SOWAHC: variants seen among roughly 807,000 people sequenced by gnomAD.
SOWAHC encodes sosondowah ankyrin repeat domain family member C, also known as ankyrin repeat domain-containing protein SOWAHC.
A neutral mutation model predicts 14.4 loss-of-function variants in SOWAHC; 12 were observed. That is an observed-to-expected ratio of 0.83 (90% CI 0.53 to 1.35). The LOEUF is 1.35. Among genes scored for constraint, SOWAHC ranks in the 40% most tolerant of loss-of-function variants. The pLI, the probability that SOWAHC is intolerant of heterozygous loss-of-function variation, is 0.00. For synonymous variants in SOWAHC, 398 were observed against 347.0 expected (o/e 1.15, Z -1.63); for missense variants, 771 against 752.8 (o/e 1.02, Z -0.28).
In SOWAHC at chr2:109,615,189, G is replaced by C; in HGVS notation, c.700G>C (p.Gly234Arg). The C allele has an allele frequency of 6.5e-7, 1 of 1,548,774 alleles. No individual in the cohort carries two copies. Reference sequence around the variant, plus strand: ...CAGCCCGGGCAGCTCCTCCGGGGGAGGACGCGGCAGAGGCGGGGGCGACTC... The same window carrying C: ...CAGCCCGGGCAGCTCCTCCGGGGGACGACGCGGCAGAGGCGGGGGCGACTC... The part of the protein sequence containing the change: ...GSSPGSSSGG[G>R]RGRGGGDSDS... The change falls in exon 1 of 1, where the codon GGA becomes CGA. Residue 234 changes from glycine (G) to arginine (R), a missense_variant. Transcript: ENST00000356454.
In SOWAHC at chr2:109,615,483, G is replaced by A; in HGVS notation, c.994G>A (p.Val332Met). 2 of 1,613,620 alleles carry A rather than the reference G, an allele frequency of 1.2e-6. No homozygotes were observed. Among genetic ancestry groups the A allele is most frequent in the South Asian group, 1.1e-5 (1 of 91,090 alleles). ...VNFANKHQLP[V>M]NIDARTSGGY... ...CTTCGCCAACAAACACCAGCTGCCG[G>A]TGAACATCGACGCCAGGACGAGCGG... The change falls in exon 1 of 1, where the codon GTG becomes ATG. Residue 332 changes from valine to methionine, a missense_variant. By Grantham distance (21) the Val-to-Met change is conservative (BLOSUM62 1). Coordinates refer to ENST00000356454, the MANE Select transcript of SOWAHC (RefSeq NM_023016.4).
In SOWAHC at chr2:109,615,396, T is replaced by C. The variant is rs1333279557; in HGVS notation, c.907T>C (p.Phe303Leu). Reference sequence around the variant, plus strand: ...GGTCAAGCGGGACTTCATTACCGGCTTCACTTGCCTGCACTGGGCCGCCAA... The same window carrying C: ...GGTCAAGCGGGACTTCATTACCGGCCTCACTTGCCTGCACTGGGCCGCCAA... ...LLVKRDFITG[F>L]TCLHWAAKHG... Residue 303 changes from phenylalanine to leucine, a missense_variant, in exon 1 of 1, where the codon TTC (phenylalanine) becomes CTC (leucine). By Grantham distance (22) the Phe-to-Leu change is conservative. Transcript: ENST00000356454. 1.2e-6 allele frequency: 2 copies of C among 1,613,040 alleles called. No homozygotes were observed. Among genetic ancestry groups the C allele is most frequent in the Admixed American group, 3.3e-5 (2 of 60,034 alleles).
chr2:109,615,716 C>A lies in SOWAHC; in HGVS notation c.1227C>A (p.Gly409=). The change falls in exon 1 of 1, where the codon GGC becomes GGA. Residue 409 remains glycine (G), a synonymous_variant. Coordinates refer to ENST00000356454, the MANE Select transcript of SOWAHC (RefSeq NM_023016.4). The part of the protein sequence containing the change: ...EGDGESAAGS[G]GGRWRLSKVL... ...ACGGGGAAAGCGCCGCGGGTAGCGG[C>A]GGCGGGCGCTGGAGGCTTTCAAAGG... 1 of 1,613,690 alleles carries A rather than the reference C, an allele frequency of 6.2e-7. No homozygotes were observed. Among genetic ancestry groups the A allele is most frequent in the Non-Finnish European group, 8.5e-7 (1 of 1,179,790 alleles).
At position 109,615,241 on chromosome 2, in the gene SOWAHC, C is replaced by T. The variant is rs1041134271; in HGVS notation, c.752C>T (p.Ser251Phe). ...DSDSASVASS[S>F]AEEESSGGGS... ...GACAGCGCATCGGTGGCCTCGTCGT[C>T]CGCGGAGGAGGAGAGCAGCGGCGGA... The change falls in exon 1 of 1, where the codon TCC becomes TTC. Residue 251 changes from serine to phenylalanine, a missense_variant. Transcript: ENST00000356454. The T allele has an allele frequency of 2.6e-6, 4 of 1,550,628 alleles. No homozygotes were observed. Among genetic ancestry groups the T allele is most frequent in the South Asian group, 1.2e-5 (1 of 84,232 alleles).
Position 109,618,557 on chromosome 2 carries a change from T to G in SOWAHC, c.*2490T>G, listed in dbSNP as rs1360514341. On this transcript the variant is annotated 3_prime_UTR_variant, in exon 1 of 1. Coordinates refer to ENST00000356454, the MANE Select transcript of SOWAHC (RefSeq NM_023016.4). ...TCTAGCATTCCTTTTCATGATGTGC[T>G]TTTGTGCAGTAAGTAGCATTTTCGG... The G allele has an allele frequency of 1.2e-5, 2 of 167,062 alleles. No individual in the cohort carries two copies. Among genetic ancestry groups the G allele is most frequent in the Non-Finnish European group, 2.9e-5 (2 of 68,114 alleles). 10.3% of individuals were successfully genotyped at this position (167,062 alleles called of 1,614,324 possible). A position where few individuals can be genotyped will look rare whatever the true frequency, so the allele number is the denominator to read the frequency against.
rs1700176557 is a variant in SOWAHC, at chr2:109,618,427, T to C, written c.*2360T>C. 1 of 167,100 alleles carries C rather than the reference T, an allele frequency of 6.0e-6. No individual in the cohort carries two copies. The highest frequency in any genetic ancestry group is 1.5e-5 in the Non-Finnish European group (1 of 68,122). 10.4% of individuals were successfully genotyped at this position (167,100 alleles called of 1,614,324 possible). A position where few individuals can be genotyped will look rare whatever the true frequency, so the allele number is the denominator to read the frequency against. ...CTATAATTTGCCAGGGCTTTAGAGA[T>C]TGAGTCAATATGTCATTTACCATGG... On this transcript the variant is annotated 3_prime_UTR_variant, in exon 1 of 1. Coordinates refer to ENST00000356454, the MANE Select transcript of SOWAHC (RefSeq NM_023016.4).
chr2:109,615,797 G>A lies in SOWAHC; in HGVS notation c.1308G>A (p.Gly436=), dbSNP rs918758732. The change falls in exon 1 of 1, where the codon GGG becomes GGA. Residue 436 remains glycine, a synonymous_variant. Coordinates refer to ENST00000356454, the MANE Select transcript of SOWAHC (RefSeq NM_023016.4). ...TCTCACACGCCCTAGAAGATGGAGGGGACCATCACCACCATCACCACTCGG... is the reference window on the plus strand; with the variant it reads ...TCTCACACGCCCTAGAAGATGGAGGAGACCATCACCACCATCACCACTCGG... ...YKLSHALEDG[G]DHHHHHHSAE... 3 of 1,614,088 alleles carry A rather than the reference G, an allele frequency of 1.9e-6. No individual in the cohort carries two copies. Among genetic ancestry groups the A allele is most frequent in the Admixed American group, 1.7e-5 (1 of 60,020 alleles).
rs1399843295 is a variant in SOWAHC, at chr2:109,615,460, T to G, written c.971T>G (p.Phe324Cys). ...GAGCTTCTGGCCATGCTAGTCAACT[T>G]CGCCAACAAACACCAGCTGCCGGTG... ...RQELLAMLVN[F>C]ANKHQLPVNI... The change falls in exon 1 of 1, where the codon TTC becomes TGC. Residue 324 changes from phenylalanine to cysteine, a missense_variant. Transcript: ENST00000356454. 7.4e-6 allele frequency: 12 copies of G among 1,613,244 alleles called. No individual in the cohort carries two copies. Among genetic ancestry groups the G allele is most frequent in the South Asian group, 1.1e-5 (1 of 91,084 alleles).
In SOWAHC at chr2:109,618,736, G is replaced by A. The variant is rs1431410884; in HGVS notation, c.*2669G>A. The stretch of plus-strand genomic sequence containing the variant: ...GATGTTTATTGATATGAGACTATGT[G>A]GTTAAAAAACCCAAGTATGTCCATG... On this transcript the variant is annotated 3_prime_UTR_variant, in exon 1 of 1. Coordinates refer to ENST00000356454, the MANE Select transcript of SOWAHC (RefSeq NM_023016.4). 2 of 167,002 alleles carry A rather than the reference G, an allele frequency of 1.2e-5. No individual in the cohort carries two copies. The highest frequency in any genetic ancestry group is 1.9e-4 in the East Asian group (1 of 5,188). 10.3% of individuals were successfully genotyped at this position (167,002 alleles called of 1,614,324 possible). A position where few individuals can be genotyped will look rare whatever the true frequency, so the allele number is the denominator to read the frequency against.
At position 109,616,028 on chromosome 2, in the gene SOWAHC, G is replaced by T; in HGVS notation, c.1539G>T (p.Ser513=). ...AGGAACGACCTGTTAAAGGCCACTC[G>T]CCCTTCACATTGAGACCAAAGTCCA... The part of the protein sequence containing the change: ...VGEERPVKGH[S]PFTLRPKSNV... Residue 513 remains serine, a synonymous_variant, in exon 1 of 1, where the codon TCG becomes TCT. Coordinates refer to ENST00000356454, the MANE Select transcript of SOWAHC (RefSeq NM_023016.4). The T allele has an allele frequency of 6.6e-7, 1 of 1,519,468 alleles. No homozygotes were observed. Among genetic ancestry groups the T allele is most frequent in the African/African-American group, 1.4e-5 (1 of 71,784 alleles). 94.1% of individuals were successfully genotyped at this position (1,519,468 alleles called of 1,614,324 possible).
chr2:109,616,264 T>C lies in SOWAHC; in HGVS notation c.*197T>C. ...TCTTTTTCAGAGATTCATCATACCT[T>C]GACCTGTACCTCTTCTCTGCCCTCC... On this transcript the variant is annotated 3_prime_UTR_variant, in exon 1 of 1. Transcript: ENST00000356454. 1.3e-6 allele frequency: 1 copy of C among 797,628 alleles called. No individual in the cohort carries two copies. The highest frequency in any genetic ancestry group is 1.8e-5 in the African/African-American group (1 of 55,794). 49.4% of individuals were successfully genotyped at this position (797,628 alleles called of 1,614,324 possible).
rs1700144721 is a variant in SOWAHC at position 109,616,074 on chromosome 2, C to A, written c.*7C>A. On this transcript the variant is annotated 3_prime_UTR_variant, in exon 1 of 1. Transcript: ENST00000356454. ...GTCCAATGTATTTGGGTAAAAATTG[C>A]TTCTTTTAGAAAATGCAAAGGTTTA... 5.3e-6 allele frequency: 8 copies of A among 1,495,902 alleles called. No individual in the cohort carries two copies. In the Admixed American group the frequency reaches 1.5e-4, roughly 27 times the overall value. The allele number at this position is 1,495,902 out of a possible 1,614,324, so 92.7% of individuals were successfully genotyped here.
In SOWAHC at chr2:109,614,502, G is replaced by A; in HGVS notation, c.13G>A (p.Ala5Thr). 3.2e-6 allele frequency: 4 copies of A among 1,249,440 alleles called. No homozygotes were observed. Among genetic ancestry groups the A allele is most frequent in the Non-Finnish European group, 4.0e-6 (4 of 1,001,050 alleles). The allele number at this position is 1,249,440 out of a possible 1,614,324, so 77.4% of individuals were successfully genotyped here. Residue 5 changes from alanine (A) to threonine (T), a missense_variant, in exon 1 of 1, where the codon GCA becomes ACA. Transcript: ENST00000356454. MEGP[A>T]EWGPEAALGP... ...AGCGCGGTCGAGGATGGAGGGGCCG[G>A]CAGAGTGGGGCCCCGAGGCGGCGCT...
At position 109,617,482 on chromosome 2, in the gene SOWAHC, CTGTT is replaced by C. The variant is rs1331509771; in HGVS notation, c.*1420_*1423del. The C allele has an allele frequency of 3.0e-5, 5 of 167,172 alleles. No homozygotes were observed. Among genetic ancestry groups the C allele is most frequent in the South Asian group, 4.1e-4 (2 of 4,824 alleles). 10.4% of individuals were successfully genotyped at this position (167,172 alleles called of 1,614,324 possible). A position where few individuals can be genotyped will look rare whatever the true frequency, so the allele number is the denominator to read the frequency against. On this transcript the variant is annotated 3_prime_UTR_variant, in exon 1 of 1. Transcript: ENST00000356454. ...AATTTAACCCACAAGCATATTAAAT[CTGTT>C]TGTTATAAGATTGGAAACAATTTTT...
rs1414740663 is a variant in SOWAHC at position 109,617,118 on chromosome 2, A to G, written c.*1051A>G. On this transcript the variant is annotated 3_prime_UTR_variant, in exon 1 of 1. Transcript: ENST00000356454. ...CAACTTAATGATTCTTATGTAAGGT[A>G]CACTTTTTATTTTAATACATTGGTA... is the stretch of plus-strand genomic sequence containing the variant. 13 of 166,850 alleles carry G rather than the reference A, an allele frequency of 7.8e-5. No individual in the cohort carries two copies. The East Asian group carries it at 2.5e-3, about 32-fold the overall frequency. 10.3% of individuals were successfully genotyped at this position (166,850 alleles called of 1,614,324 possible). A position where few individuals can be genotyped will look rare whatever the true frequency, so the allele number is the denominator to read the frequency against.
In SOWAHC at chr2:109,614,646, C is replaced by G; in HGVS notation, c.157C>G (p.Arg53Gly). ...GGEPEQRARA[R>G]AHFKELVNAV... ...CGAACCGGAGCAGCGCGCCCGCGCC[C>G]GCGCGCACTTCAAGGAGCTGGTGAA... Residue 53 changes from arginine (R) to glycine (G), a missense_variant, in exon 1 of 1, where the codon CGC becomes GGC. Transcript: ENST00000356454. 3 of 1,471,140 alleles carry G rather than the reference C, an allele frequency of 2.0e-6. No individual in the cohort carries two copies. The highest frequency in any genetic ancestry group is 2.7e-6 in the Non-Finnish European group (3 of 1,115,508). The allele number at this position is 1,471,140 out of a possible 1,614,324, so 91.1% of individuals were successfully genotyped here.
In SOWAHC at chr2:109,616,125, GTGT is replaced by G; in HGVS notation, c.*62_*64del. On this transcript the variant is annotated 3_prime_UTR_variant, in exon 1 of 1. Coordinates refer to ENST00000356454, the MANE Select transcript of SOWAHC (RefSeq NM_023016.4). ...TTTGTCTTAATAAATTGAATACTAG[GTGT>G]TGTAAGGAAGTGAGACCAGAAGGAC... 3 of 1,430,230 alleles carry G rather than the reference GTGT, an allele frequency of 2.1e-6. No individual in the cohort carries two copies. Among genetic ancestry groups the G allele is most frequent in the Non-Finnish European group, 2.7e-6 (3 of 1,092,488 alleles). 88.6% of individuals were successfully genotyped at this position (1,430,230 alleles called of 1,614,324 possible).
In SOWAHC at chr2:109,617,152, G is replaced by T. The variant is rs568447283; in HGVS notation, c.*1085G>T. On this transcript the variant is annotated 3_prime_UTR_variant, in exon 1 of 1. Transcript: ENST00000356454. ...ATTTTAATACATTGGTAGTCTCTAT[G>T]ACTTGTAGCAATGTTTTACAAATGT... The T allele has an allele frequency of 6.0e-6, 1 of 166,592 alleles. No individual in the cohort carries two copies. The highest frequency in any genetic ancestry group is 2.4e-5 in the African/African-American group (1 of 41,542). 10.3% of individuals were successfully genotyped at this position (166,592 alleles called of 1,614,324 possible).
chr2:109,615,494 C>G lies in SOWAHC; in HGVS notation c.1005C>G (p.Asp335Glu), dbSNP rs985714732. The change falls in exon 1 of 1, where the codon GAC (aspartate) becomes GAG (glutamate). Residue 335 changes from aspartate (D) to glutamate (E), a missense_variant. Coordinates refer to ENST00000356454, the MANE Select transcript of SOWAHC (RefSeq NM_023016.4). ...ANKHQLPVNI[D>E]ARTSGGYTAL... ...AACACCAGCTGCCGGTGAACATCGA[C>G]GCCAGGACGAGCGGGGGTTACACCG... 6.2e-7 allele frequency: 1 copy of G among 1,613,576 alleles called. No individual in the cohort carries two copies. The highest frequency in any genetic ancestry group is 8.5e-7 in the Non-Finnish European group (1 of 1,180,048).
Sources: allele counts gnomAD v4.1 joint callset, GRCh38; gene constraint gnomAD v4.1.1; transcripts MANE v1.5; gene names NCBI Gene and HGNC (gene_info 2026-07-23, HGNC 2026-07-21).